The following FBXW9 variants were observed in gnomAD, a reference collection of about 807,000 sequenced individuals.
The protein encoded by FBXW9 is F-box and WD repeat domain containing 9, also known as F-box/WD repeat-containing protein 9.
Under a neutral mutation model 55.8 loss-of-function variants are expected in FBXW9, and 38 were observed. The ratio of observed to expected loss-of-function variants is 0.68; its 90% CI spans 0.53 to 0.89. The LOEUF is 0.89. Among genes scored for constraint, FBXW9 ranks in the 40% least tolerant of loss-of-function variants. The probability of loss-of-function intolerance (pLI) is 0.00; values close to 1 mark genes in which losing one functional copy is unlikely to be tolerated. For synonymous variants in FBXW9, 289 were observed against 278.2 expected (o/e 1.04, Z -0.38); for missense variants, 590 against 619.4 (o/e 0.95, Z 0.50).
chr19:12,692,147 C>T (rs2025017453), intron 3 of FBXW9, among the ~76,000 whole-genome samples: 1 of 151,626 alleles, frequency 6.6e-6, no homozygotes, highest in South Asian at 2.1e-4. Context: ...GCAGCCTCCA[C>T]ATCCCAGGCT....
chr19:12,694,486 G>T, intron 3 of FBXW9, 108 bp downstream of exon 3: 1 of 1,248,488 alleles, frequency 8.0e-7, no homozygotes. Flanking sequence ...TCACACCAAG[G>T]TTAGAAAAGT....
Position 12,689,563 on chromosome 19 carries a change from G to A in FBXW9, c.1214C>T (p.Thr405Ile). The A allele has an allele frequency of 1.9e-6, 3 of 1,614,144 alleles. No individual in the cohort carries two copies. The highest frequency in any genetic ancestry group is 1.1e-5 in the South Asian group (1 of 91,088). The change falls in exon 8 of 10, where the codon ACA (threonine) becomes ATA (isoleucine). Residue 405 changes from threonine to isoleucine, a missense_variant. By Grantham distance (89) the Thr-to-Ile change is moderately conservative. Coordinates refer to ENST00000393261, the MANE Select transcript of FBXW9 (RefSeq NM_032301.3). This position sits in a 1 kb window ranked among gnomAD's most constrained non-coding sequence, Gnocchi z 5.9. ...CACCCGGATGGTCTTGTCAGTGGAT[G>A]TGGTGTACAAGGCTCCCACGGAGTA... is the stretch of plus-strand genomic sequence containing the variant. Reference protein sequence around the residue: ...IQYSVGALYTTSTDKTIRVHV... With the variant: ...IQYSVGALYTISTDKTIRVHV...
chr19:12,696,129 C>G (rs752333341), intron 1 of FBXW9, 44 bp downstream of exon 1: 3 of 1,488,988 alleles, frequency 2.0e-6, no homozygotes, highest in Non-Finnish European at 2.7e-6. Context: ...CTGACCTGGG[C>G]GGGCGCCCCC....
At chr19:12,690,292 G>T in intron 5 of FBXW9, 182 bp from the exon 6 acceptor site, 1 of 982,094 alleles carries the variant, frequency 1.0e-6, no homozygotes, top group South Asian at 1.5e-5. Flanking sequence ...TTCCACAGGA[G>T]CCCCAGGCCT....
chr19:12,689,558 T>C lies in FBXW9; in HGVS notation c.1219A>G (p.Thr407Ala). The C allele has an allele frequency of 1.2e-6, 2 of 1,614,004 alleles. No homozygotes were observed. Among genetic ancestry groups the C allele is most frequent in the Non-Finnish European group, 1.7e-6 (2 of 1,179,966 alleles). ...AGCCTCACCCGGATGGTCTTGTCAG[T>C]GGATGTGGTGTACAAGGCTCCCACG... ...YSVGALYTTS[T>A]DKTIRVHVPT... The change falls in exon 8 of 10, where the codon ACT becomes GCT. Residue 407 changes from threonine to alanine, a missense_variant. Transcript: ENST00000393261. The surrounding 1 kb of genome is among the most constrained non-coding windows in gnomAD (Gnocchi z 5.9).
chr19:12,691,999 G>A (rs896011882), intron 3 of FBXW9, among the ~76,000 whole-genome samples: 12 of 151,648 alleles, frequency 7.9e-5, no homozygotes, highest in South Asian at 2.1e-4. Flanking sequence ...TAGGTGATCC[G>A]CCCGCTTCAG....
At position 12,696,500 on chromosome 19, in the gene FBXW9, C is replaced by T. The variant is rs779002622; in HGVS notation, c.82G>A (p.Ala28Thr). 2.5e-5 allele frequency: 40 copies of T among 1,612,740 alleles called. No individual in the cohort carries two copies. The highest frequency in any genetic ancestry group is 3.3e-5 in the Non-Finnish European group (39 of 1,179,992). Residue 28 changes from alanine to threonine, a missense_variant, in exon 1 of 10, where the codon GCG becomes ACG. Transcript: ENST00000393261. ...SDPESETDPDAQAKAYVARVL... is the reference protein window; with the variant it reads ...SDPESETDPDTQAKAYVARVL... ...CGGGCCACGTAGGCCTTGGCCTGCG[C>T]GTCTGGGTCTGTCTCTGACTCTGGG...
At chr19:12,691,069 G>A in intron 5 of FBXW9, 97 bp downstream of exon 5, 1 of 1,058,854 alleles carries the variant, frequency 9.4e-7, no homozygotes, top group Non-Finnish European at 1.5e-6. Flanking sequence ...GTGAGTATTT[G>A]GTTAAGTGAC....
intron 3 of FBXW9, among the ~76,000 whole-genome samples, chr19:12,691,865 C>G (rs2025013698): frequency 6.6e-6 from 1 of 151,942 alleles, no homozygotes; most frequent in Admixed American, 6.6e-5. Flanking sequence ...AAGTGATTCT[C>G]CTGCCTCAGC....
At chr19:12,693,492 C>T (rs2025029591) in intron 3 of FBXW9, among the ~76,000 whole-genome samples, 1 of 74,162 alleles carries the variant, frequency 1.3e-5, no homozygotes, top group Admixed American at 2.0e-4. Context: ...AACCTCGTCT[C>T]TACTAAAGGA....
chr19:12,694,756 AC>A, intron 2 of FBXW9, 34 bp from the exon 3 acceptor site: 1 of 1,613,686 alleles, frequency 6.2e-7, no homozygotes, highest in South Asian at 1.1e-5. Context: ...TGTCAGGGCC[AC>A]CCTGGCCCAC....
chr19:12,695,337 C>T (rs1012963518), intron 1 of FBXW9, among the ~76,000 whole-genome samples: 1 of 152,160 alleles, frequency 6.6e-6, no homozygotes, highest in African/African-American at 2.4e-5. Flanking sequence ...GGGGCTGTTT[C>T]TCAAACAGTA....
intron 3 of FBXW9, 149 bp from the exon 4 acceptor site, chr19:12,691,603 G>A (rs7256839): frequency 0.046 from 29,869 of 654,488 alleles, 4,282 homozygotes; most frequent in African/African-American, 0.38. Context: ...CATGGTGATA[G>A]ATGCTGCAGC....
intron 1 of FBXW9, among the ~76,000 whole-genome samples, chr19:12,695,281 C>T (rs2025059134): frequency 6.6e-6 from 1 of 152,176 alleles, no homozygotes; most frequent in Non-Finnish European, 1.5e-5. Context: ...GAAGCTGGGA[C>T]CTCATGACTA....
rs1418439683 is a variant in FBXW9, at chr19:12,696,095, A to G, written c.409+78T>C. The G allele has an allele frequency of 5.1e-6, 7 of 1,367,524 alleles. No homozygotes were observed. In the South Asian group the frequency reaches 8.4e-5, roughly 16 times the overall value. 84.7% of individuals were successfully genotyped at this position (1,367,524 alleles called of 1,614,324 possible). Reference sequence around the variant, plus strand: ...CCAGAGGCTGCATCCGGAACACCCCATGTACCTCTTCCCCGCCCCAAGCCT... The same window carrying G: ...CCAGAGGCTGCATCCGGAACACCCCGTGTACCTCTTCCCCGCCCCAAGCCT... On this transcript the variant is annotated intron_variant, in intron 1 of 9. Transcript: ENST00000393261.
chr19:12,696,561 C>G lies in FBXW9; in HGVS notation c.21G>C (p.Arg7=). Residue 7 remains arginine, a synonymous_variant, in exon 1 of 10, where the codon CGG becomes CGC. Coordinates refer to ENST00000393261, the MANE Select transcript of FBXW9 (RefSeq NM_032301.3). The part of the protein sequence containing the change: MELPLG[R]CDDSRTWDDD... The stretch of plus-strand genomic sequence containing the variant: ...CGTCCCAGGTGCGGGAATCATCGCA[C>G]CGCCCTAGGGGAAGCTCCATTGCGA... The G allele has an allele frequency of 4.3e-6, 7 of 1,611,362 alleles. No individual in the cohort carries two copies. The highest frequency in any genetic ancestry group is 5.9e-6 in the Non-Finnish European group (7 of 1,179,978).
intron 5 of FBXW9, among the ~76,000 whole-genome samples, chr19:12,690,436 G>C (rs535230908): frequency 6.6e-6 from 1 of 151,988 alleles, no homozygotes; most frequent in Admixed American, 6.6e-5. Context: ...CCGCAGCCCC[G>C]CTCCAGCTCT....
In FBXW9 at chr19:12,689,729, AG is replaced by A. The variant is rs747074319; in HGVS notation, c.1146+31del. The A allele has an allele frequency of 2.6e-5, 41 of 1,602,730 alleles. No homozygotes were observed. Among genetic ancestry groups the A allele is most frequent in the Middle Eastern group, 1.7e-4 (1 of 6,030 alleles). ...TCGGGTAGGAAGGAAGCCCGGGGGG[AG>A]GGACAGTCAGGGGCAGGAGCTCCAG... On this transcript the variant is annotated intron_variant, in intron 7 of 9. Coordinates refer to ENST00000393261, the MANE Select transcript of FBXW9 (RefSeq NM_032301.3). This position sits in a 1 kb window ranked among gnomAD's most constrained non-coding sequence, Gnocchi z 5.9.
intron 2 of FBXW9, 21 bp downstream of exon 2, chr19:12,694,778 C>A: frequency 6.2e-7 from 1 of 1,613,756 alleles, no homozygotes; most frequent in Non-Finnish European, 8.5e-7. Flanking sequence ...CCTGCCTGGC[C>A]CCCCACAGAC....
Sources: gnomAD v4.1 joint callset for allele counts (sites outside exome capture counted in the v4.1 genomes callset) on GRCh38, gnomAD v4.1.1 for gene constraint, Gnocchi (gnomAD v3.1) non-coding constraint, MANE v1.5 for transcripts, NCBI Gene and HGNC (gene_info 2026-07-23, HGNC 2026-07-21) for gene names.